Variants in HDAC9 observed in about 807,000 individuals in gnomAD.
HDAC9 encodes the protein histone deacetylase 9.
In HDAC9, 41 loss-of-function variants were observed where a neutral mutation model predicts 139.4. The ratio of observed to expected loss-of-function variants is 0.29; its 90% CI spans 0.23 to 0.38. The LOEUF is 0.38. Ranked by LOEUF, HDAC9 falls within the 10% of genes least tolerant of loss-of-function variation. The pLI, the probability that HDAC9 is intolerant of heterozygous loss-of-function variation, is 1.00. For synonymous variants in HDAC9, 517 were observed against 476.2 expected (o/e 1.09, Z -1.12); for missense variants, 1,147 against 1,297.0 (o/e 0.88, Z 1.78).
At chr7:18,182,340 A>G (rs189192951) in intron 2 of HDAC9, among the ~76,000 whole-genome samples, 4 of 152,352 alleles carry the variant, frequency 2.6e-5, no homozygotes, top group Admixed American at 2.0e-4. Context: ...TCTATGTCGT[A>G]CAAGTATTAG....
At chr7:18,140,535 A>G (rs908534474) in intron 1 of HDAC9, among the ~76,000 whole-genome samples, 1 of 152,158 alleles carries the variant, frequency 6.6e-6, no homozygotes, top group Non-Finnish European at 1.5e-5. Flanking sequence ...AATACTTTGT[A>G]TTATGTAGGA....
intron 1 of HDAC9, among the ~76,000 whole-genome samples, chr7:18,127,907 TAA>T (rs146865099): frequency 6.6e-6 from 1 of 151,900 alleles, no homozygotes; most frequent in Non-Finnish European, 1.5e-5. Flanking sequence ...TTCGTGCATT[TAA>T]AAAAAACTTT....
chr7:18,591,137 T>G (rs889407832), intron 4 of HDAC9, among the ~76,000 whole-genome samples: 3 of 152,192 alleles, frequency 2.0e-5, no homozygotes, highest in Non-Finnish European at 2.9e-5. Flanking sequence ...TTTAAGGGAT[T>G]TAATATGGAT....
At position 18,401,549 on chromosome 7, in the gene HDAC9, G is replaced by A. The variant is rs552881281; in HGVS notation, c.-41-94713G>A. ...GGTGATCATCATGGTGGTGATCATG[G>A]TATTCATGATGGAGAATAACCTCAA... On this transcript the variant is annotated intron_variant, in intron 1 of 3. Coordinates refer to the HDAC9 transcript ENST00000413509. Among the ~76,000 whole-genome samples the A allele has an allele frequency of 2.6e-5, 4 of 152,308 alleles. No individual in the cohort carries two copies. In the South Asian group the frequency reaches 6.2e-4, roughly 24 times the overall value.
intron 12 of HDAC9, among the ~76,000 whole-genome samples, chr7:18,726,622 G>A (rs1444092040): frequency 6.6e-6 from 1 of 151,784 alleles, no homozygotes; most frequent in Non-Finnish European, 1.5e-5. Context: ...ACAGCATAAA[G>A]ATTATGAACT....
At chr7:18,553,105 G>C (rs889640862) in intron 2 of HDAC9, among the ~76,000 whole-genome samples, 1 of 152,114 alleles carries the variant, frequency 6.6e-6, no homozygotes, top group Non-Finnish European at 1.5e-5. Context: ...GTGCACCTTT[G>C]TGTGTATTTG....
chr7:18,372,611 G>T (rs1784677816), intron 1 of HDAC9, among the ~76,000 whole-genome samples: 1 of 152,222 alleles, frequency 6.6e-6, no homozygotes, highest in Admixed American at 6.5e-5. Flanking sequence ...GAGGGGCAGA[G>T]CTGTTATTAT....
chr7:18,409,119 A>T (rs915806515), intron 1 of HDAC9, among the ~76,000 whole-genome samples: 2 of 152,208 alleles, frequency 1.3e-5, no homozygotes, highest in African/African-American at 2.4e-5. Context: ...ATTCAAGGGA[A>T]TATTTTGTAG....
At chr7:18,426,630 G>A (rs1254827168) in intron 1 of HDAC9, among the ~76,000 whole-genome samples, 4 of 152,140 alleles carry the variant, frequency 2.6e-5, no homozygotes, top group Non-Finnish European at 4.4e-5. Flanking sequence ...TAGCCAAAAA[G>A]TTTAGTCACA....
intron 2 of HDAC9, among the ~76,000 whole-genome samples, chr7:18,580,378 T>C (rs1434084522): frequency 3.3e-5 from 5 of 152,204 alleles, no homozygotes; most frequent in Non-Finnish European, 7.4e-5. Flanking sequence ...GGCAGGACTT[T>C]GCAAGGTGAT....
At chr7:18,358,932 C>G (rs1783547956) in intron 1 of HDAC9, among the ~76,000 whole-genome samples, 1 of 152,182 alleles carries the variant, frequency 6.6e-6, no homozygotes, top group African/African-American at 2.4e-5. Flanking sequence ...TCAATTAATA[C>G]CAGATTAGGT....
intron 1 of HDAC9, among the ~76,000 whole-genome samples, chr7:18,142,300 G>T (rs57516070): frequency 6.6e-6 from 1 of 152,096 alleles, no homozygotes; most frequent in Non-Finnish European, 1.5e-5. Context: ...CTTGAAATAC[G>T]TTGTGTTTCC....
chr7:18,194,468 C>T (rs929482111), intron 2 of HDAC9, among the ~76,000 whole-genome samples: 1 of 152,106 alleles, frequency 6.6e-6, no homozygotes, highest in Non-Finnish European at 1.5e-5. Context: ...ATTTGCCACC[C>T]TCACCGTTGT....
chr7:18,417,003 A>G (rs1706392407), intron 1 of HDAC9, among the ~76,000 whole-genome samples: 1 of 152,102 alleles, frequency 6.6e-6, no homozygotes. Context: ...GTGAGTTTAT[A>G]GATTTCATTA....
chr7:18,794,133 G>A (rs1001476994), intron 17 of HDAC9, among the ~76,000 whole-genome samples: 3 of 152,152 alleles, frequency 2.0e-5, no homozygotes, highest in East Asian at 1.9e-4. Context: ...TTAAAGGTAC[G>A]CCATGTGCGT....
chr7:18,967,166 CAAAAAT>C (rs1168471096), intron 24 of HDAC9, among the ~76,000 whole-genome samples: 1 of 151,984 alleles, frequency 6.6e-6, no homozygotes, highest in Non-Finnish European at 1.5e-5. Flanking sequence ...CAAAACAAAA[CAAAAAT>C]AAAAACTAAA....
intron 1 of HDAC9, among the ~76,000 whole-genome samples, chr7:18,434,233 C>A (rs139984345): frequency 9.2e-5 from 14 of 152,278 alleles, no homozygotes; most frequent in African/African-American, 2.9e-4. Context: ...GAAACTCGAC[C>A]CCTTCCTTTC....
At chr7:18,468,626 C>G (rs1254898269) in intron 1 of HDAC9, among the ~76,000 whole-genome samples, 3 of 152,084 alleles carry the variant, frequency 2.0e-5, no homozygotes, top group African/African-American at 7.2e-5. Flanking sequence ...TTAAATGTCT[C>G]TTTTCCTGGA....
rs181452048 is a variant in HDAC9 at position 18,195,382 on chromosome 7, G to T, written c.25+33033G>T. ...ATCACCTTTAATGGGGTCTGGGATG[G>T]TTCCCTATAATCAAAAAATAGTATT... On this transcript the variant is annotated intron_variant, in intron 2 of 12. Transcript: ENST00000417496. Among the ~76,000 whole-genome samples, 5 of 152,234 alleles carry T rather than the reference G, an allele frequency of 3.3e-5. No homozygotes were observed. The East Asian group carries it at 9.7e-4, about 29-fold the overall frequency.
Sources: allele counts gnomAD v4.1 joint callset (sites outside exome capture counted in the v4.1 genomes callset), GRCh38; gene constraint gnomAD v4.1.1; transcripts MANE v1.5; gene names NCBI Gene and HGNC (gene_info 2026-07-23, HGNC 2026-07-21).